Variants in PGLYRP4 observed in about 807,000 individuals in gnomAD.
The protein encoded by PGLYRP4 is PGRP-I-beta.
A neutral mutation model predicts 41.2 loss-of-function variants in PGLYRP4; 39 were observed. That is an observed-to-expected ratio of 0.95 (90% confidence interval 0.73 to 1.24). The LOEUF (loss-of-function observed/expected upper bound fraction) is 1.24. Ranked by LOEUF, PGLYRP4 falls within the 50% of genes most tolerant of loss-of-function variation. The probability of loss-of-function intolerance (pLI) is 0.00; values close to 1 mark genes in which losing one functional copy is unlikely to be tolerated. For missense variants in PGLYRP4, 467 were observed against 460.7 expected, an observed-to-expected ratio of 1.01 and a Z score of -0.13; for synonymous variants, 202 against 186.8, an observed-to-expected ratio of 1.08 and a Z score of -0.66.
chr1:153,345,127 C>T, intron 4 of PGLYRP4, 42 bp downstream of exon 4: 1 of 1,488,420 alleles, frequency 6.7e-7, no homozygotes, highest in Non-Finnish European at 9.3e-7. Context: ...CCCAGGGAAG[C>T]AACACTGACC....
rs1423176222 is a variant in PGLYRP4, at chr1:153,348,827, TG to T, written c.-347del. On this transcript the variant is annotated 5_prime_UTR_variant, in exon 1 of 9. Transcript: ENST00000359650. ...CTGAGCCAGCTCCTTTCACAGCACC[TG>T]GAGAAATGCAAGTGGGACCAGACTC... 6.6e-6 allele frequency: 1 copy of T among 152,340 alleles called. No homozygotes were observed. The highest frequency in any genetic ancestry group is 2.4e-5 in the African/African-American group (1 of 41,442). The allele number at this position is 152,340 out of a possible 1,614,324, so 9.4% of individuals were successfully genotyped here. A position where few individuals can be genotyped will look rare whatever the true frequency, so the allele number is the denominator to read the frequency against.
intron 8 of PGLYRP4, among the ~76,000 whole-genome samples, chr1:153,331,311 G>C (rs1458565805): frequency 6.6e-6 from 1 of 152,182 alleles, no homozygotes; most frequent in Non-Finnish European, 1.5e-5. Flanking sequence ...GTCGGTAGAA[G>C]CCAAGGATAC....
At chr1:153,348,058 A>G (rs1361088013) in intron 1 of PGLYRP4, 80 bp from the exon 2 acceptor site, 3 of 745,374 alleles carry the variant, frequency 4.0e-6, no homozygotes, top group Admixed American at 2.4e-5. Flanking sequence ...AGTGGGTGCC[A>G]TCTGCCTCCT....
At chr1:153,346,834 T>C (rs1661031153) in intron 2 of PGLYRP4, among the ~76,000 whole-genome samples, 1 of 152,238 alleles carries the variant, frequency 6.6e-6, no homozygotes, top group Non-Finnish European at 1.5e-5. Context: ...TTGCTATATC[T>C]TCAGGTGCAT....
rs1447921519 is a variant in PGLYRP4 at position 153,345,278 on chromosome 1, G to GTA, written c.242_243dup (p.His82TyrfsTer92). ...TGACACTCCAGTCCAGGGACATGGT[G>GTA]TATAACAAGGACATTCACTGGCGTG... is the stretch of plus-strand genomic sequence containing the variant. On this transcript the variant is annotated frameshift_variant, in exon 4 of 9. Transcript: ENST00000359650. LOFTEE classifies it high-confidence loss of function. 1 of 1,614,142 alleles carries GTA rather than the reference G, an allele frequency of 6.2e-7. No homozygotes were observed. Among genetic ancestry groups the GTA allele is most frequent in the Non-Finnish European group, 8.5e-7 (1 of 1,179,994 alleles).
intron 3 of PGLYRP4, 136 bp from the exon 4 acceptor site, chr1:153,345,518 C>G (rs1380585365): frequency 4.3e-6 from 3 of 692,594 alleles, no homozygotes; most frequent in Non-Finnish European, 7.6e-6. Context: ...CCCTGCCCAC[C>G]TCTACATACC....
At chr1:153,347,004 C>G (rs1661037015) in intron 2 of PGLYRP4, among the ~76,000 whole-genome samples, 1 of 152,154 alleles carries the variant, frequency 6.6e-6, no homozygotes, top group Non-Finnish European at 1.5e-5. Context: ...GTTCTGTGCT[C>G]TATGTACAAT....
chr1:153,337,362 T>G, intron 7 of PGLYRP4, 63 bp from the exon 8 acceptor site: 2 of 976,990 alleles, frequency 2.0e-6, no homozygotes, highest in Non-Finnish European at 3.2e-6. Context: ...CTCTCTTTCA[T>G]GTATTAATTT....
chr1:153,345,645 T>G (rs545333630), intron 3 of PGLYRP4, among the ~76,000 whole-genome samples: 10 of 152,214 alleles, frequency 6.6e-5, no homozygotes, highest in Non-Finnish European at 1.5e-4. Flanking sequence ...TGGTCCAGGC[T>G]CTGCACTTCA....
intron 7 of PGLYRP4, 119 bp downstream of exon 7, chr1:153,340,262 A>C: frequency 1.1e-6 from 1 of 870,846 alleles, no homozygotes; most frequent in Non-Finnish European, 1.9e-6. Flanking sequence ...TTGGTTATCC[A>C]TACAGTGCCT....
chr1:153,341,833 C>T, intron 5 of PGLYRP4, 54 bp from the exon 6 acceptor site: 2 of 1,561,112 alleles, frequency 1.3e-6, no homozygotes, highest in Non-Finnish European at 8.7e-7. Context: ...TTCAGGGGAT[C>T]TTTTGGGGAA....
chr1:153,338,525 T>C (rs1330067966), intron 7 of PGLYRP4, among the ~76,000 whole-genome samples: 1 of 152,204 alleles, frequency 6.6e-6, no homozygotes, highest in Non-Finnish European at 1.5e-5. Context: ...CAGCACTGAG[T>C]GCACACACCC....
At chr1:153,346,043 G>C (rs1319326005) in intron 3 of PGLYRP4, 59 bp downstream of exon 3, 1 of 1,262,344 alleles carries the variant, frequency 7.9e-7, no homozygotes, top group Non-Finnish European at 1.2e-6. Context: ...AAACATTTCC[G>C]ATCACATGAA....
chr1:153,339,701 C>T (rs7354852), intron 7 of PGLYRP4, among the ~76,000 whole-genome samples: 2,244 of 152,108 alleles, frequency 0.015, 48 homozygotes, highest in African/African-American at 0.052. Context: ...AAAATCAATA[C>T]TTTTTAATGG....
chr1:153,345,391 C>T lies in PGLYRP4; in HGVS notation c.140-9G>A, dbSNP rs745885041. ...GACATCTGTGGGAAGGCCTTGGGGA[C>T]GTCACTCAGCGCACCTGCCCCATCA... is the stretch of plus-strand genomic sequence containing the variant. On this transcript the variant is annotated splice_polypyrimidine_tract_variant and intron_variant, in intron 3 of 8. Coordinates refer to ENST00000359650, the MANE Select transcript of PGLYRP4 (RefSeq NM_020393.4). 86 of 1,611,898 alleles carry T rather than the reference C, an allele frequency of 5.3e-5. 1 individual carries two copies. The South Asian group carries it at 8.3e-4, about 16-fold the overall frequency.
chr1:153,345,787 C>T (rs1260456252), intron 3 of PGLYRP4, among the ~76,000 whole-genome samples: 1 of 152,132 alleles, frequency 6.6e-6, no homozygotes, highest in African/African-American at 2.4e-5. Context: ...TGCATCTTCT[C>T]CCCCCAGCAG....
At chr1:153,341,350 G>T (rs984613131) in intron 6 of PGLYRP4, among the ~76,000 whole-genome samples, 12 of 152,200 alleles carry the variant, frequency 7.9e-5, no homozygotes, top group African/African-American at 2.4e-4. Flanking sequence ...AAGGTGTTCA[G>T]TAATTGCTTG....
chr1:153,340,391 T>C lies in PGLYRP4; in HGVS notation c.814A>G (p.Ile272Val). ...FYIDRLKSCDIGYNFLVGQDG... is the reference protein window; with the variant it reads ...FYIDRLKSCDVGYNFLVGQDG... Reference sequence around the variant, plus strand: ...CCCAGACCCACTCACTTATAACCAATGTCGCATGACTTGAGCCTGTCTATG... The same window carrying C: ...CCCAGACCCACTCACTTATAACCAACGTCGCATGACTTGAGCCTGTCTATG... Residue 272 changes from isoleucine to valine, a missense_variant, in exon 7 of 9, where the codon ATT becomes GTT. Physicochemically the swap from Ile to Val is conservative, Grantham distance 29 (BLOSUM62 3). Transcript: ENST00000359650. 6.2e-7 allele frequency: 1 copy of C among 1,614,066 alleles called. No homozygotes were observed. Among genetic ancestry groups the C allele is most frequent in the South Asian group, 1.1e-5 (1 of 91,078 alleles).
At chr1:153,343,855 C>G (rs1363236655) in intron 4 of PGLYRP4, among the ~76,000 whole-genome samples, 1 of 152,114 alleles carries the variant, frequency 6.6e-6, no homozygotes, top group Non-Finnish European at 1.5e-5. Flanking sequence ...TAAGACAGCT[C>G]AGGCGCAGAG....
Sources: allele counts gnomAD v4.1 joint callset (sites outside exome capture counted in the v4.1 genomes callset), GRCh38; gene constraint gnomAD v4.1.1; transcripts MANE v1.5; gene names NCBI Gene and HGNC (gene_info 2026-07-23, HGNC 2026-07-21).